The following MPPE1 variants were observed in gnomAD, a reference collection of about 807,000 sequenced individuals.
MPPE1 encodes the protein metallophosphoesterase 1.
In MPPE1, 28 loss-of-function variants were observed where a neutral mutation model predicts 43.8. The ratio of observed to expected loss-of-function variants is 0.64; its 90% CI spans 0.47 to 0.88. The LOEUF (loss-of-function observed/expected upper bound fraction) is 0.88. Among genes scored for constraint, MPPE1 ranks in the 40% least tolerant of loss-of-function variants. The pLI, the probability that MPPE1 is intolerant of heterozygous loss-of-function variation, is 0.00. For missense variants in MPPE1, 428 were observed against 492.2 expected (o/e 0.87, Z 1.23); for synonymous variants, 159 against 188.5 (o/e 0.84, Z 1.28).
Position 11,886,894 on chromosome 18 carries a change from G to T in MPPE1, c.678+23C>A. 1 of 1,601,458 alleles carries T rather than the reference G, an allele frequency of 6.2e-7. No individual in the cohort carries two copies. The highest frequency in any genetic ancestry group is 8.5e-7 in the Non-Finnish European group (1 of 1,170,492). The stretch of plus-strand genomic sequence containing the variant: ...GAGCAACACGGGACAGAAGGCACCT[G>T]TGGCATTCAGATGCTCTCCTACCTC... On this transcript the variant is annotated intron_variant, in intron 7 of 10. Transcript: ENST00000588072. This position sits in a 1 kb window ranked among gnomAD's most constrained non-coding sequence, Gnocchi z 4.1.
At position 11,886,272 on chromosome 18, in the gene MPPE1, C is replaced by T. The variant is rs2037226726; in HGVS notation, c.867+227G>A. The stretch of plus-strand genomic sequence containing the variant: ...AAAGAATAGCTGAGACTATTACTGA[C>T]TTGAGGGTAGGAAACAGAAGTAGGT... On this transcript the variant is annotated intron_variant, in intron 9 of 10. Coordinates refer to ENST00000588072, the MANE Select transcript of MPPE1 (RefSeq NM_023075.6). This position sits in a 1 kb window ranked among gnomAD's most constrained non-coding sequence, Gnocchi z 4.1. 1 of 566,882 alleles carries T rather than the reference C, an allele frequency of 1.8e-6. No individual in the cohort carries two copies. The highest frequency in any genetic ancestry group is 2.1e-5 in the South Asian group (1 of 48,498). 35.1% of individuals were successfully genotyped at this position (566,882 alleles called of 1,614,324 possible). A position where few individuals can be genotyped will look rare whatever the true frequency, so the allele number is the denominator to read the frequency against.
intron 2 of MPPE1, among the ~76,000 whole-genome samples, chr18:11,898,859 C>T (rs1256759827): frequency 6.6e-6 from 1 of 151,990 alleles, no homozygotes; most frequent in Non-Finnish European, 1.5e-5. Flanking sequence ...TTCAGAGAAA[C>T]TGATTTGAGT....
chr18:11,892,863 G>A (rs2038158991), intron 4 of MPPE1, among the ~76,000 whole-genome samples: 1 of 152,136 alleles, frequency 6.6e-6, no homozygotes, highest in Non-Finnish European at 1.5e-5. Context: ...GCAAAACACT[G>A]TGACAACTAA....
Position 11,886,804 on chromosome 18 carries a change from A to G in MPPE1, c.679-26T>C, listed in dbSNP as rs776319872. On this transcript the variant is annotated intron_variant, in intron 7 of 10. Coordinates refer to ENST00000588072, the MANE Select transcript of MPPE1 (RefSeq NM_023075.6). This position sits in a 1 kb window ranked among gnomAD's most constrained non-coding sequence, Gnocchi z 4.1. ...CTGCTGGGTACAAGTCAGGCCATTA[A>G]TCCGCACACCTGACCCTCATCAAAG... 1.2e-6 allele frequency: 2 copies of G among 1,609,110 alleles called. No homozygotes were observed. The highest frequency in any genetic ancestry group is 2.7e-5 in the African/African-American group (2 of 74,780).
intron 2 of MPPE1, among the ~76,000 whole-genome samples, chr18:11,901,516 C>A (rs1484221414): frequency 6.7e-6 from 1 of 150,366 alleles, no homozygotes; most frequent in African/African-American, 2.4e-5. Flanking sequence ...CAGGCGTGAG[C>A]CACTGTGCCC....
In MPPE1 at chr18:11,890,104, G is replaced by A. The variant is rs546207669; in HGVS notation, c.391-614C>T. 2.1e-3 allele frequency among the ~76,000 whole-genome samples: 315 copies of A among 149,516 alleles called. 1 individual carries two copies. Among genetic ancestry groups the A allele is most frequent in the Non-Finnish European group, 3.6e-3 (245 of 67,330 alleles). On this transcript the variant is annotated intron_variant, in intron 4 of 10. Transcript: ENST00000588072. ...ACTACAGGCGCCCGCCACCACGCCC[G>A]ACTAATTTTTTGTATTTTTAGTAGA...
At chr18:11,893,297 T>C (rs1201680533) in intron 4 of MPPE1, 171 bp downstream of exon 4, 2 of 570,148 alleles carry the variant, frequency 3.5e-6, no homozygotes, top group Non-Finnish European at 6.2e-6. Flanking sequence ...TAATCTTAGA[T>C]AGCCTATGAA....
chr18:11,886,848 G>C lies in MPPE1; in HGVS notation c.678+69C>G, dbSNP rs998641008. 4.4e-6 allele frequency: 7 copies of C among 1,595,792 alleles called. No homozygotes were observed. The African/African-American group carries it at 9.4e-5, about 21-fold the overall frequency. ...ATCAAAGGGCAAGAAGCGCTAGGGGGCTGAGTGAGCAACCGAAGCGGAGCA... is the reference window on the plus strand; with the variant it reads ...ATCAAAGGGCAAGAAGCGCTAGGGGCCTGAGTGAGCAACCGAAGCGGAGCA... On this transcript the variant is annotated intron_variant, in intron 7 of 10. Coordinates refer to ENST00000588072, the MANE Select transcript of MPPE1 (RefSeq NM_023075.6). This position sits in a 1 kb window ranked among gnomAD's most constrained non-coding sequence, Gnocchi z 4.1.
chr18:11,904,322 TA>T (rs66959479), intron 2 of MPPE1, among the ~76,000 whole-genome samples: 8,427 of 133,548 alleles, frequency 0.063, 764 homozygotes, highest in African/African-American at 0.2. Context: ...TTTATTTATT[TA>T]TTTTTTTTTG....
rs547536041 is a variant in MPPE1, at chr18:11,906,605, C to T, written c.-199-296G>A. On this transcript the variant is annotated intron_variant, in intron 1 of 10. Transcript: ENST00000588072. Reference sequence around the variant, plus strand: ...GGCGCAGTGGCTCATGCCTGTAATCCCAGCACTTTGAGAGGCCGAGGTGGG... The same window carrying T: ...GGCGCAGTGGCTCATGCCTGTAATCTCAGCACTTTGAGAGGCCGAGGTGGG... Among the ~76,000 whole-genome samples the T allele has an allele frequency of 2.3e-4, 35 of 152,144 alleles. No individual in the cohort carries two copies. In the Middle Eastern group the frequency reaches 0.01, roughly 44 times the overall value.
chr18:11,893,649 T>G, intron 3 of MPPE1, 73 bp from the exon 4 acceptor site: 1 of 1,193,886 alleles, frequency 8.4e-7, no homozygotes, highest in South Asian at 1.3e-5. Flanking sequence ...TTATGCACCA[T>G]TTAAACAGCA....
At chr18:11,900,878 G>A (rs1029075696) in intron 2 of MPPE1, among the ~76,000 whole-genome samples, 4 of 149,894 alleles carry the variant, frequency 2.7e-5, no homozygotes, top group Non-Finnish European at 4.4e-5. Context: ...CTGCACTCCA[G>A]CCTGGGCGAC....
chr18:11,892,916 T>C (rs1256798827), intron 4 of MPPE1: 1 of 152,662 alleles, frequency 6.6e-6, no homozygotes, highest in African/African-American at 2.4e-5. Context: ...AAGTCTTATA[T>C]TACCCCAATA....
chr18:11,900,662 C>A (rs1200132502), intron 2 of MPPE1, among the ~76,000 whole-genome samples: 2 of 152,056 alleles, frequency 1.3e-5, no homozygotes, highest in Non-Finnish European at 2.9e-5. Context: ...AATCCCAGCA[C>A]TTTGGGAGGC....
At position 11,887,042 on chromosome 18, in the gene MPPE1, C is replaced by G. The variant is rs183624344; in HGVS notation, c.570-17G>C. 3 of 1,593,486 alleles carry G rather than the reference C, an allele frequency of 1.9e-6. No homozygotes were observed. Among genetic ancestry groups the G allele is most frequent in the Non-Finnish European group, 2.6e-6 (3 of 1,163,544 alleles). Reference sequence around the variant, plus strand: ...ATCACAAAGCTGAAGCGGAGGGAAACGCAGGTGAGGCCGCTGGGGGTATCA... The same window carrying G: ...ATCACAAAGCTGAAGCGGAGGGAAAGGCAGGTGAGGCCGCTGGGGGTATCA... On this transcript the variant is annotated splice_polypyrimidine_tract_variant and intron_variant, in intron 6 of 10. Coordinates refer to ENST00000588072, the MANE Select transcript of MPPE1 (RefSeq NM_023075.6).
In MPPE1 at chr18:11,898,910, C is replaced by CT. The variant is rs34960916; in HGVS notation, c.-92-1555dup. ...CAGTGGCCAGCCTTCATTAATTAAA[C>CT]TTTTTTTTTTTTTCTGAGACAGAAT... On this transcript the variant is annotated intron_variant, in intron 2 of 10. Transcript: ENST00000588072. Among the ~76,000 whole-genome samples, 646 of 142,624 alleles carry CT rather than the reference C, an allele frequency of 4.5e-3. 3 individuals are homozygous for CT. Among genetic ancestry groups the CT allele is most frequent in the African/African-American group, 0.01 (393 of 39,256 alleles). The allele number at this position is 142,624 out of a possible 152,430, so 93.6% of individuals were successfully genotyped here.
intron 4 of MPPE1, among the ~76,000 whole-genome samples, chr18:11,892,364 A>C (rs891159739): frequency 2.4e-5 from 3 of 127,170 alleles, no homozygotes; most frequent in Non-Finnish European, 5.2e-5. Flanking sequence ...AGAAAAAAAA[A>C]AAAAAAAGAA....
intron 3 of MPPE1, among the ~76,000 whole-genome samples, chr18:11,896,095 C>CTTTTTTTTTT (rs1178920790): frequency 1.7e-4 from 14 of 80,450 alleles, no homozygotes; most frequent in Non-Finnish European, 2.8e-4. Context: ...ATTCTTTATT[C>CTTTTTTTTTT]TTTTTTTTTT....
At chr18:11,893,680 C>T (rs1365963278) in intron 3 of MPPE1, 104 bp from the exon 4 acceptor site, 2 of 867,112 alleles carry the variant, frequency 2.3e-6, no homozygotes, top group African/African-American at 3.4e-5. Context: ...TTCCACTCTC[C>T]TTCTTCCAGA....
Sources: allele counts gnomAD v4.1 joint callset (sites outside exome capture counted in the v4.1 genomes callset), GRCh38; gene constraint gnomAD v4.1.1; non-coding constraint Gnocchi (gnomAD v3.1); transcripts MANE v1.5; gene names NCBI Gene and HGNC (gene_info 2026-07-23, HGNC 2026-07-21).